MAP2K4: variants seen among roughly 807,000 people sequenced by gnomAD.
The protein encoded by MAP2K4 is mitogen-activated protein kinase kinase 4.
A neutral mutation model predicts 48.5 loss-of-function variants in MAP2K4; 4 were observed. That is an observed-to-expected ratio of 0.08 (90% CI 0.04 to 0.19). The LOEUF (loss-of-function observed/expected upper bound fraction) is 0.19. Ranked by LOEUF, MAP2K4 falls within the 10% of genes least tolerant of loss-of-function variation. The probability of loss-of-function intolerance (pLI) is 1.00; values close to 1 mark genes in which losing one functional copy is unlikely to be tolerated. For missense variants in MAP2K4, 258 were observed against 493.3 expected, an observed-to-expected ratio of 0.52 and a Z score of 4.52; for synonymous variants, 166 against 173.1, an observed-to-expected ratio of 0.96 and a Z score of 0.32.
In MAP2K4 at chr17:12,117,134, A is replaced by G. The variant is rs1345520435; in HGVS notation, c.813+3774A>G. 2.0e-5 allele frequency among the ~76,000 whole-genome samples: 3 copies of G among 152,302 alleles called. 1 individual carries two copies. Among genetic ancestry groups the G allele is most frequent in the South Asian group, 4.1e-4 (2 of 4,822 alleles). ...AACCACCTGAAAGTTAGTTGCAGATATCATGCATTTTATTCTAAACACTTC... is the reference window on the plus strand; with the variant it reads ...AACCACCTGAAAGTTAGTTGCAGATGTCATGCATTTTATTCTAAACACTTC... On this transcript the variant is annotated intron_variant, in intron 7 of 10. Transcript: ENST00000353533.
intron 2 of MAP2K4, among the ~76,000 whole-genome samples, chr17:12,076,140 C>G (rs1022046886): frequency 6.6e-6 from 1 of 152,124 alleles, no homozygotes; most frequent in Non-Finnish European, 1.5e-5. Flanking sequence ...CCCTACTTGA[C>G]TGGCCACTGT....
intron 3 of MAP2K4, among the ~76,000 whole-genome samples, chr17:12,088,589 ATT>A (rs1226011434): frequency 6.5e-5 from 9 of 138,422 alleles, no homozygotes; most frequent in Non-Finnish European, 6.2e-5. Context: ...TATAATATAT[ATT>A]AAATATATTA....
In MAP2K4 at chr17:12,101,619, G is replaced by A. The variant is rs561956265; in HGVS notation, c.513+5925G>A. 5.3e-5 allele frequency among the ~76,000 whole-genome samples: 8 copies of A among 152,146 alleles called. No homozygotes were observed. The East Asian group carries it at 1.5e-3, about 29-fold the overall frequency. ...TCTAATTTGTAGGTCTACTGGGGGAGCATTGATATCTTAACAGTATTAAGT... is the reference window on the plus strand; with the variant it reads ...TCTAATTTGTAGGTCTACTGGGGGAACATTGATATCTTAACAGTATTAAGT... On this transcript the variant is annotated intron_variant, in intron 4 of 10. Transcript: ENST00000353533.
chr17:12,137,261 C>T (rs1973238364), intron 9 of MAP2K4, among the ~76,000 whole-genome samples: 1 of 152,108 alleles, frequency 6.6e-6, no homozygotes, highest in South Asian at 2.1e-4. Context: ...AATCATAATT[C>T]TTGAATACTG....
rs190493414 is a variant in MAP2K4 at position 12,028,494 on chromosome 17, A to G, written c.115+7493A>G. Reference sequence around the variant, plus strand: ...ATACAAATTTAGGGTAGGTTTAGATAACGCCTTACATGTTAGAGCCATAAT... The same window carrying G: ...ATACAAATTTAGGGTAGGTTTAGATGACGCCTTACATGTTAGAGCCATAAT... On this transcript the variant is annotated intron_variant, in intron 1 of 10. Coordinates refer to ENST00000353533, the MANE Select transcript of MAP2K4 (RefSeq NM_003010.4). Among the ~76,000 whole-genome samples, 14 of 152,364 alleles carry G rather than the reference A, an allele frequency of 9.2e-5. No individual in the cohort carries two copies. The East Asian group carries it at 2.3e-3, about 25-fold the overall frequency.
chr17:12,069,989 T>A, intron 2 of MAP2K4: 1 of 153,220 alleles, frequency 6.5e-6, no homozygotes, highest in Non-Finnish European at 1.3e-5. Flanking sequence ...TTGGGGCGTT[T>A]TAGTATATGC....
In MAP2K4 at chr17:12,119,465, C is replaced by G. The variant is rs1597487161; in HGVS notation, c.814-5829C>G. 2.0e-5 allele frequency among the ~76,000 whole-genome samples: 3 copies of G among 152,262 alleles called. No individual in the cohort carries two copies. In the East Asian group the frequency reaches 5.8e-4, roughly 29 times the overall value. On this transcript the variant is annotated intron_variant, in intron 7 of 10. Coordinates refer to ENST00000353533, the MANE Select transcript of MAP2K4 (RefSeq NM_003010.4). ...ATACATCTCACACCAGTCAGAATGG[C>G]TGTTAAAAAATGTCAAAACAACAGA...
intron 1 of MAP2K4, among the ~76,000 whole-genome samples, chr17:12,038,749 A>G (rs1043107323): frequency 2.0e-5 from 3 of 152,192 alleles, no homozygotes; most frequent in Non-Finnish European, 4.4e-5. Context: ...AATAGTTAAT[A>G]TAGATGAGGA....
chr17:12,110,322 G>T, intron 5 of MAP2K4, 53 bp from the exon 6 acceptor site: 1 of 1,247,422 alleles, frequency 8.0e-7, no homozygotes, highest in Non-Finnish European at 1.2e-6. Context: ...CTGTTGTGCT[G>T]TTTGAATAAA....
At chr17:12,137,511 C>A (rs1253350381) in intron 9 of MAP2K4, among the ~76,000 whole-genome samples, 1 of 152,150 alleles carries the variant, frequency 6.6e-6, no homozygotes, top group Non-Finnish European at 1.5e-5. Flanking sequence ...ACTTGATGTT[C>A]TCTAGACTGG....
intron 7 of MAP2K4, chr17:12,125,083 G>C (rs1430745883): frequency 2.6e-5 from 14 of 538,844 alleles, no homozygotes; most frequent in Non-Finnish European, 4.7e-5. Context: ...TAAATGAATT[G>C]CTTAGTGTTC....
chr17:12,060,313 T>C (rs2151530325), intron 2 of MAP2K4, among the ~76,000 whole-genome samples: 1 of 152,352 alleles, frequency 6.6e-6, no homozygotes, highest in Non-Finnish European at 1.5e-5. Context: ...TGAATTAGAA[T>C]AGCGACATAC....
intron 7 of MAP2K4, chr17:12,124,932 C>A (rs1367664108): frequency 4.9e-6 from 1 of 203,894 alleles, no homozygotes; most frequent in African/African-American, 2.3e-5. Flanking sequence ...GCTTCGGCCT[C>A]CCAAAGTGCT....
chr17:12,041,483 G>A (rs772248054), intron 1 of MAP2K4, among the ~76,000 whole-genome samples: 14 of 152,148 alleles, frequency 9.2e-5, no homozygotes, highest in South Asian at 4.1e-4. Flanking sequence ...AGATCGCCAC[G>A]TCTTATGACT....
At chr17:12,077,538 A>G (rs781282905) in intron 2 of MAP2K4, among the ~76,000 whole-genome samples, 46 of 152,092 alleles carry the variant, frequency 3.0e-4, no homozygotes, top group Non-Finnish European at 5.3e-4. Flanking sequence ...AGTCAATGCT[A>G]TTTTCTGCTC....
chr17:12,031,170 A>G (rs1281045170), intron 1 of MAP2K4, among the ~76,000 whole-genome samples: 1 of 152,154 alleles, frequency 6.6e-6, no homozygotes, highest in African/African-American at 2.4e-5. Context: ...CTGCATTGTC[A>G]TTTCTATGAT....
intron 2 of MAP2K4, among the ~76,000 whole-genome samples, chr17:12,055,678 T>C (rs909637367): frequency 6.6e-6 from 1 of 152,046 alleles, no homozygotes; most frequent in African/African-American, 2.4e-5. Context: ...AGGCTTAAAA[T>C]ACATTTATTC....
chr17:12,044,178 G>A lies in MAP2K4; in HGVS notation c.116-10711G>A, dbSNP rs1969886124. Among the ~76,000 whole-genome samples, 3 of 152,162 alleles carry A rather than the reference G, an allele frequency of 2.0e-5. No homozygotes were observed. The South Asian group carries it at 6.2e-4, about 31-fold the overall frequency. ...AGTTATATTTTTCATTGTACTACAGGTACTTCTGTAGCAAAATTACCTTGC... is the reference window on the plus strand; with the variant it reads ...AGTTATATTTTTCATTGTACTACAGATACTTCTGTAGCAAAATTACCTTGC... On this transcript the variant is annotated intron_variant, in intron 1 of 10. Coordinates refer to ENST00000353533, the MANE Select transcript of MAP2K4 (RefSeq NM_003010.4).
At chr17:12,124,935 A>G (rs918654739) in intron 7 of MAP2K4, 4 of 205,130 alleles carry the variant, frequency 1.9e-5, no homozygotes, top group African/African-American at 9.2e-5. Context: ...TCGGCCTCCC[A>G]AAGTGCTGGG....
Sources: gnomAD v4.1 joint callset for allele counts (sites outside exome capture counted in the v4.1 genomes callset) on GRCh38, gnomAD v4.1.1 for gene constraint, MANE v1.5 for transcripts, NCBI Gene and HGNC (gene_info 2026-07-23, HGNC 2026-07-21) for gene names.